The following HIVEP1 variants were observed in gnomAD, a reference collection of about 807,000 sequenced individuals.
HIVEP1 encodes the protein HIVEP zinc finger 1.
In HIVEP1, 36 loss-of-function variants were observed where a neutral mutation model predicts 180.0. That is an observed-to-expected ratio of 0.20 (90% confidence interval 0.15 to 0.26). The LOEUF is 0.26. HIVEP1 is among the 10% of genes least tolerant of loss of function. HIVEP1 has a pLI of 1.00. For missense variants in HIVEP1, 3,143 were observed against 3,268.7 expected (o/e 0.96, Z 0.94); for synonymous variants, 1,239 against 1,239.0 (o/e 1.00, Z 0.00).
chr6:12,092,870 C>G (rs1006137290), intron 3 of HIVEP1, among the ~76,000 whole-genome samples: 1 of 152,068 alleles, frequency 6.6e-6, no homozygotes, highest in Non-Finnish European at 1.5e-5. Flanking sequence ...AGAGCTCTGC[C>G]GAGCAGTGTG....
At chr6:12,020,312 G>A (rs1768098939) in intron 2 of HIVEP1, 1 of 471,010 alleles carries the variant, frequency 2.1e-6, no homozygotes. Flanking sequence ...TTTTGGAAGA[G>A]CATGAGAGCA....
At chr6:12,084,015 G>T (rs114927056) in intron 2 of HIVEP1, among the ~76,000 whole-genome samples, 1,545 of 152,218 alleles carry the variant, frequency 0.01, 26 homozygotes, top group African/African-American at 0.035. Context: ...GTTATCCTGG[G>T]CTCTGGAGCA....
intron 2 of HIVEP1, among the ~76,000 whole-genome samples, chr6:12,049,531 G>A (rs967471979): frequency 6.6e-6 from 1 of 152,170 alleles, no homozygotes; most frequent in South Asian, 2.1e-4. Flanking sequence ...ATGACTATAC[G>A]ATATTAAAGT....
Position 12,125,538 on chromosome 6 carries a change from C to T in HIVEP1, c.5743C>T (p.Gln1915Ter), listed in dbSNP as rs756109020. Residue 1915 changes from glutamine to a stop codon, truncating the protein, a stop_gained, in exon 4 of 9, where the codon CAG (glutamine) becomes TAG (stop). Transcript: ENST00000379388. LOFTEE classifies it high-confidence loss of function. ...DKVNIQEQSQ[Q>*]PVTSLSLFNI... ...AGTGAACATCCAAGAGCAAAGTCAA[C>T]AGCCAGTCACTTCTCTTTCATTGTT... 1 of 1,614,144 alleles carries T rather than the reference C, an allele frequency of 6.2e-7. No individual in the cohort carries two copies.
chr6:12,192,562 T>A, the HIVEP1 span, among the ~76,000 whole-genome samples: 2 of 152,136 alleles, frequency 1.3e-5, no homozygotes, highest in Non-Finnish European at 2.9e-5. Flanking sequence ...GCTGTTGTCG[T>A]GATAGGGAGT....
chr6:12,167,384 T>C (rs1471543684), downstream of HIVEP1, among the ~76,000 whole-genome samples: 2 of 151,726 alleles, frequency 1.3e-5, no homozygotes, highest in Middle Eastern at 3.3e-3. Context: ...ACCAGAAAGA[T>C]GATTTTCATT....
chr6:12,112,882 C>T (rs1774991151), intron 3 of HIVEP1, among the ~76,000 whole-genome samples: 1 of 152,108 alleles, frequency 6.6e-6, no homozygotes, highest in Non-Finnish European at 1.5e-5. Flanking sequence ...TTTCCTGCCT[C>T]CCCTGGGGTA....
At chr6:12,151,182 G>T (rs1358687322) in intron 7 of HIVEP1, among the ~76,000 whole-genome samples, 3 of 152,180 alleles carry the variant, frequency 2.0e-5, no homozygotes, top group Non-Finnish European at 4.4e-5. Context: ...TTTCCCTCAT[G>T]AATTGAAATT....
intron 3 of HIVEP1, among the ~76,000 whole-genome samples, chr6:12,095,017 A>C (rs1773705789): frequency 6.6e-6 from 1 of 151,966 alleles, no homozygotes; most frequent in Non-Finnish European, 1.5e-5. Context: ...TAATTTATCC[A>C]TCTTATCTAA....
rs925769411 is a variant in HIVEP1, at chr6:12,108,521, C to T, written c.95-11369C>T. ...CTCAGGCATGGCGGGCTGCAGGTCC[C>T]GAGCCCTGCCCCGCAGGAAGGCAGC... On this transcript the variant is annotated intron_variant, in intron 3 of 8. Coordinates refer to ENST00000379388, the MANE Select transcript of HIVEP1 (RefSeq NM_002114.4). 9.8e-5 allele frequency among the ~76,000 whole-genome samples: 15 copies of T among 152,342 alleles called. 2 individuals are homozygous for T. Among genetic ancestry groups the T allele is most frequent in the African/African-American group, 3.6e-4 (15 of 41,588 alleles).
At chr6:12,033,135 TAAAAG>T (rs1769065539) in intron 2 of HIVEP1, among the ~76,000 whole-genome samples, 1 of 152,260 alleles carries the variant, frequency 6.6e-6, no homozygotes, top group Admixed American at 6.5e-5. Flanking sequence ...CACTTTAGTA[TAAAAG>T]AGCCTTTGTA....
At chr6:12,022,296 G>C (rs9470754) in intron 2 of HIVEP1, among the ~76,000 whole-genome samples, 22,949 of 151,834 alleles carry the variant, frequency 0.15, 1,804 homozygotes, top group African/African-American at 0.2. Flanking sequence ...TCAGCCTCCT[G>C]AGTAGCTGGG....
chr6:12,095,147 G>A (rs183463877), intron 3 of HIVEP1, among the ~76,000 whole-genome samples: 166 of 151,790 alleles, frequency 1.1e-3, no homozygotes, highest in African/African-American at 3.7e-3. Context: ...GCCTCTCCTC[G>A]CTTTCTTGAT....
chr6:12,008,873 C>T (rs1767134361), upstream of HIVEP1: 1 of 152,218 alleles, frequency 6.6e-6, no homozygotes, highest in Non-Finnish European at 1.5e-5. Flanking sequence ...TGTTGCAGTT[C>T]GGGTAAGTTT....
At chr6:12,040,417 CAGGTAGATT>C (rs1769601763) in intron 2 of HIVEP1, among the ~76,000 whole-genome samples, 2 of 152,108 alleles carry the variant, frequency 1.3e-5, no homozygotes, top group Non-Finnish European at 2.9e-5. Flanking sequence ...AATAAAGATA[CAGGTAGATT>C]TACATATCTT....
At chr6:12,092,034 CAT>C (rs1773510641) in intron 3 of HIVEP1, among the ~76,000 whole-genome samples, 1 of 152,098 alleles carries the variant, frequency 6.6e-6, no homozygotes, top group South Asian at 2.1e-4. Context: ...ATGTTTGACA[CAT>C]ATAAATTAAT....
In HIVEP1 at chr6:12,161,536, G is replaced by C; in HGVS notation, c.6585G>C (p.Glu2195Asp). Residue 2195 changes from glutamate (E) to aspartate (D), a missense_variant, in exon 8 of 9, where the codon GAG (glutamate) becomes GAC (aspartate). Coordinates refer to ENST00000379388, the MANE Select transcript of HIVEP1 (RefSeq NM_002114.4). ...EDDNENEDDDEDSQAESVLSA... is the reference protein window; with the variant it reads ...EDDNENEDDDDDSQAESVLSA... ...ACAATGAAAATGAAGACGATGATGA[G>C]GACAGCCAGGCTGAATCAGTCCTGT... 6.2e-7 allele frequency: 1 copy of C among 1,614,134 alleles called. No individual in the cohort carries two copies. Among genetic ancestry groups the C allele is most frequent in the Non-Finnish European group, 8.5e-7 (1 of 1,180,006 alleles).
chr6:12,073,699 A>G (rs1772141374), intron 2 of HIVEP1, among the ~76,000 whole-genome samples: 1 of 152,126 alleles, frequency 6.6e-6, no homozygotes, highest in Admixed American at 6.5e-5. Context: ...TTGTTATTAG[A>G]AGGAGGGTTA....
intron 7 of HIVEP1, among the ~76,000 whole-genome samples, chr6:12,146,481 T>C (rs774716764): frequency 2.6e-5 from 4 of 152,220 alleles, no homozygotes; most frequent in Admixed American, 2.0e-4. Flanking sequence ...TATAATCGTT[T>C]TTCATTAAAT....
Sources: allele counts gnomAD v4.1 joint callset (sites outside exome capture counted in the v4.1 genomes callset), GRCh38; gene constraint gnomAD v4.1.1; transcripts MANE v1.5; gene names NCBI Gene and HGNC (gene_info 2026-07-23, HGNC 2026-07-21).